WNT5B: variants seen among roughly 807,000 people sequenced by gnomAD.
WNT5B encodes protein Wnt-5b.
In WNT5B, 18 loss-of-function variants were observed where a neutral mutation model predicts 36.5. That is an observed-to-expected ratio of 0.49 (90% CI 0.34 to 0.73). WNT5B has a LOEUF of 0.73. WNT5B is among the 30% of genes least tolerant of loss of function. The pLI is 0.01. For missense variants in WNT5B, 424 were observed against 508.4 expected (o/e 0.83, Z 1.60); for synonymous variants, 213 against 212.3 (o/e 1.00, Z -0.03).
At chr12:1,619,444 G>A (rs2094530942) in intron 1 of WNT5B, among the ~76,000 whole-genome samples, 1 of 152,166 alleles carries the variant, frequency 6.6e-6, no homozygotes, top group African/African-American at 2.4e-5. Context: ...GGCAGGGAAA[G>A]GCTGTGTTAA....
chr12:1,644,289 G>C lies in WNT5B; in HGVS notation c.622-1505G>C, dbSNP rs1197754998. On this transcript the variant is annotated intron_variant, in intron 4 of 4. Coordinates refer to ENST00000397196, the MANE Select transcript of WNT5B (RefSeq NM_032642.3). This position sits in a 1 kb window ranked among gnomAD's most constrained non-coding sequence, Gnocchi z 5.1. ...TGGAGCTGCCCGGCTAAGTGCTGGT[G>C]CCTTTAACCTTGGGGAGAGCCTTCC... Among the ~76,000 whole-genome samples, 1 of 152,158 alleles carries C rather than the reference G, an allele frequency of 6.6e-6. No individual in the cohort carries two copies. The highest frequency in any genetic ancestry group is 1.5e-5 in the Non-Finnish European group (1 of 68,036).
At chr12:1,645,700 C>T in intron 4 of WNT5B, 94 bp from the exon 5 acceptor site, 1 of 1,198,024 alleles carries the variant, frequency 8.3e-7, no homozygotes, top group Non-Finnish European at 1.2e-6. Flanking sequence ...CCTACCGGCC[C>T]CTCCTGTGTA....
At position 1,618,424 on chromosome 12, in the gene WNT5B, C is replaced by T. The variant is rs1177472352; in HGVS notation, c.-58+1281C>T. ...AATTGCACAAATAAATGTTTTTCCCCTATAGTACAATACCCCAGAACTCTA... is the reference window on the plus strand; with the variant it reads ...AATTGCACAAATAAATGTTTTTCCCTTATAGTACAATACCCCAGAACTCTA... On this transcript the variant is annotated intron_variant, in intron 1 of 4. Transcript: ENST00000310594. This position sits in a 1 kb window ranked among gnomAD's most constrained non-coding sequence, Gnocchi z 4.1. Among the ~76,000 whole-genome samples, 1 of 152,108 alleles carries T rather than the reference C, an allele frequency of 6.6e-6. No homozygotes were observed. The highest frequency in any genetic ancestry group is 2.4e-5 in the African/African-American group (1 of 41,408).
rs570748691 is a variant in WNT5B, at chr12:1,641,155, C to A, written c.621+1179C>A. Among the ~76,000 whole-genome samples, 35 of 152,300 alleles carry A rather than the reference C, an allele frequency of 2.3e-4. No homozygotes were observed. In the East Asian group the frequency reaches 5.2e-3, roughly 23 times the overall value. Reference sequence around the variant, plus strand: ...ATCCCAGCGCTTTGGGAGGCCAAGGCAGGTGGATCACTTGAGGCCAGGAGT... The same window carrying A: ...ATCCCAGCGCTTTGGGAGGCCAAGGAAGGTGGATCACTTGAGGCCAGGAGT... On this transcript the variant is annotated intron_variant, in intron 4 of 4. Coordinates refer to ENST00000397196, the MANE Select transcript of WNT5B (RefSeq NM_032642.3).
In WNT5B at chr12:1,645,834, G is replaced by T; in HGVS notation, c.662G>T (p.Gly221Val). ...KMADVACKCH[G>V]VSGSCSLKTC... ...GCAGACGTAGCCTGCAAATGCCACG[G>T]CGTCTCGGGGTCCTGCAGCCTCAAG... is the stretch of plus-strand genomic sequence containing the variant. The change falls in exon 5 of 5, where the codon GGC becomes GTC. Residue 221 changes from glycine to valine, a missense_variant. By Grantham distance (109) the Gly-to-Val change is moderately radical (BLOSUM62 -3). Coordinates refer to ENST00000397196, the MANE Select transcript of WNT5B (RefSeq NM_032642.3). The T allele has an allele frequency of 6.2e-7, 1 of 1,603,630 alleles. No homozygotes were observed. The highest frequency in any genetic ancestry group is 1.1e-5 in the South Asian group (1 of 90,304).
intron 3 of WNT5B, 115 bp from the exon 4 acceptor site, chr12:1,639,568 GC>G: frequency 1.7e-6 from 2 of 1,199,708 alleles, no homozygotes; most frequent in East Asian, 5.8e-5. Flanking sequence ...GAAGCCCCCT[GC>G]CCCAGGGGTG....
chr12:1,626,422 C>CAT, upstream of WNT5B, among the ~76,000 whole-genome samples: 1 of 151,890 alleles, frequency 6.6e-6, no homozygotes, highest in South Asian at 2.1e-4. Flanking sequence ...TGCCACCGTG[C>CAT]CTGGCTAATT....
At position 1,639,248 on chromosome 12, in the gene WNT5B, C is replaced by T. The variant is rs370640680; in HGVS notation, c.329-436C>T. Among the ~76,000 whole-genome samples the T allele has an allele frequency of 4.4e-4, 67 of 151,526 alleles. 1 individual carries two copies. In the East Asian group the frequency reaches 0.011, roughly 25 times the overall value. ...CGCCTCCCGGGTTCACGCCATTCTC[C>T]TGCCTCAGCCTCCCGAGTAGCTGGG... On this transcript the variant is annotated intron_variant, in intron 3 of 4. Transcript: ENST00000397196.
At chr12:1,620,894 G>C (rs1435232711) in intron 1 of WNT5B, among the ~76,000 whole-genome samples, 1 of 111,638 alleles carries the variant, frequency 9.0e-6, no homozygotes, top group Admixed American at 8.7e-5. Context: ...GGTAGAGACA[G>C]GTTTCACCAT....
At chr12:1,638,427 T>C (rs1412392984) in intron 3 of WNT5B, among the ~76,000 whole-genome samples, 2 of 152,208 alleles carry the variant, frequency 1.3e-5, no homozygotes, top group African/African-American at 4.8e-5. Context: ...CCAAAGCAGC[T>C]GCACCGCTTA....
intron 4 of WNT5B, among the ~76,000 whole-genome samples, chr12:1,641,796 A>C (rs1346014705): frequency 6.6e-6 from 1 of 152,268 alleles, no homozygotes; most frequent in East Asian, 1.9e-4. Flanking sequence ...ACTCTGTCTC[A>C]GAAAAAAATA....
chr12:1,623,920 G>A (rs1242132035), intron 1 of WNT5B, among the ~76,000 whole-genome samples: 1 of 152,196 alleles, frequency 6.6e-6, no homozygotes, highest in Non-Finnish European at 1.5e-5. Flanking sequence ...TAGGGGAGAA[G>A]TCTAGTTCTT....
At chr12:1,625,745 G>A (rs2154439378), upstream of WNT5B, among the ~76,000 whole-genome samples, 1 of 152,030 alleles carries the variant, frequency 6.6e-6, no homozygotes, top group South Asian at 2.1e-4. Context: ...CTCACTGCAA[G>A]CTCCACTTCC....
intron 1 of WNT5B, 41 bp from the exon 2 acceptor site, chr12:1,631,257 G>A (rs1487774285): frequency 6.3e-5 from 98 of 1,551,490 alleles, no homozygotes; most frequent in Non-Finnish European, 7.8e-5. Context: ...GCCCTTATCC[G>A]CTGAGTTTCC....
chr12:1,634,177 G>T (rs2094556248), intron 3 of WNT5B, among the ~76,000 whole-genome samples: 1 of 152,160 alleles, frequency 6.6e-6, no homozygotes, highest in South Asian at 2.1e-4. Flanking sequence ...TGTTCCTGGG[G>T]CAGCTTTCCC....
rs2094535537 is a variant in WNT5B, at chr12:1,622,703, T to C, written c.-58+5560T>C. On this transcript the variant is annotated intron_variant, in intron 1 of 4. Transcript: ENST00000310594. ...AGTCAACAAATATTTTTCTAGCAAC[T>C]CCCACATACCCCTGTGTACTATCCT... 1.3e-5 allele frequency among the ~76,000 whole-genome samples: 2 copies of C among 152,102 alleles called. 1 individual carries two copies. The highest frequency in any genetic ancestry group is 4.1e-4 in the South Asian group (2 of 4,828).
At position 1,618,928 on chromosome 12, in the gene WNT5B, G is replaced by T. The variant is rs1427369096; in HGVS notation, c.-58+1785G>T. ...TCAGGCATTAGATTTTAGTGTGAAG[G>T]CCTCAGGAATTGTTTCTGCGCTCCT... is the stretch of plus-strand genomic sequence containing the variant. On this transcript the variant is annotated intron_variant, in intron 1 of 4. Coordinates refer to the WNT5B transcript ENST00000310594. This position sits in a 1 kb window ranked among gnomAD's most constrained non-coding sequence, Gnocchi z 4.1. 1.3e-5 allele frequency among the ~76,000 whole-genome samples: 2 copies of T among 152,176 alleles called. No individual in the cohort carries two copies. The highest frequency in any genetic ancestry group is 1.5e-5 in the Non-Finnish European group (1 of 68,026).
chr12:1,622,013 GT>G (rs2094534388), intron 1 of WNT5B, among the ~76,000 whole-genome samples: 1 of 151,382 alleles, frequency 6.6e-6, no homozygotes, highest in Non-Finnish European at 1.5e-5. Flanking sequence ...CCTTTCTGCT[GT>G]TTTCCTCCTG....
chr12:1,623,200 T>TGTTTGTTTG (rs1469632459), intron 1 of WNT5B, among the ~76,000 whole-genome samples: 1 of 121,462 alleles, frequency 8.2e-6, no homozygotes, highest in African/African-American at 3.2e-5. Context: ...TTTTTTTTTT[T>TGTTTGTTTG]TTTTTTTTTT....
Sources: gnomAD v4.1 joint callset for allele counts (sites outside exome capture counted in the v4.1 genomes callset) on GRCh38, gnomAD v4.1.1 for gene constraint, Gnocchi (gnomAD v3.1) non-coding constraint, MANE v1.5 for transcripts, NCBI Gene and HGNC (gene_info 2026-07-23, HGNC 2026-07-21) for gene names.